MPRIP: variants seen among roughly 807,000 people sequenced by gnomAD.
MPRIP encodes the protein myosin phosphatase Rho interacting protein, also known as myosin phosphatase Rho-interacting protein.
A neutral mutation model predicts 234.9 loss-of-function variants in MPRIP; 59 were observed. The ratio of observed to expected loss-of-function variants is 0.25; its 90% CI spans 0.20 to 0.31. MPRIP has a LOEUF of 0.31. Among genes scored for constraint, MPRIP ranks in the 10% least tolerant of loss-of-function variants. The probability of loss-of-function intolerance (pLI) is 1.00; values close to 1 mark genes in which losing one functional copy is unlikely to be tolerated. For synonymous variants in MPRIP, 1,144 were observed against 1,263.9 expected (o/e 0.91, Z 2.01); for missense variants, 2,436 against 3,071.0 (o/e 0.79, Z 4.89).
chr17:17,173,214 C>T (rs2046182986), intron 18 of MPRIP, among the ~76,000 whole-genome samples: 1 of 152,268 alleles, frequency 6.6e-6, no homozygotes. Context: ...CGTGCTGATT[C>T]CCTCTGCACA....
chr17:17,190,955 T>G lies in MPRIP; in HGVS notation c.*6061T>G, dbSNP rs558004794. 1 of 152,304 alleles carries G rather than the reference T, an allele frequency of 6.6e-6. No individual in the cohort carries two copies. Among genetic ancestry groups the G allele is most frequent in the African/African-American group, 2.4e-5 (1 of 41,566 alleles). The allele number at this position is 152,304 out of a possible 1,614,324, so 9.4% of individuals were successfully genotyped here. A position where few individuals can be genotyped will look rare whatever the true frequency, so the allele number is the denominator to read the frequency against. Reference sequence around the variant, plus strand: ...ACTGCAGGGATTTTTGTGACAGAGTTTGTATGGGTTTTTAAAAAAATCTTA... The same window carrying G: ...ACTGCAGGGATTTTTGTGACAGAGTGTGTATGGGTTTTTAAAAAAATCTTA... On this transcript the variant is annotated 3_prime_UTR_variant, in exon 24 of 24. Transcript: ENST00000651222.
At chr17:17,157,778 A>C (rs1289220829) in intron 13 of MPRIP, among the ~76,000 whole-genome samples, 1 of 151,790 alleles carries the variant, frequency 6.6e-6, no homozygotes, top group Non-Finnish European at 1.5e-5. Context: ...TGGTGAGCCG[A>C]GATCGCGCCA....
At chr17:17,117,536 G>A (rs1245984889) in intron 3 of MPRIP, among the ~76,000 whole-genome samples, 1 of 152,236 alleles carries the variant, frequency 6.6e-6, no homozygotes, top group Non-Finnish European at 1.5e-5. Flanking sequence ...GCATGTGTCA[G>A]GATTTCATTC....
At chr17:17,130,464 A>G (rs1225135050) in intron 4 of MPRIP, among the ~76,000 whole-genome samples, 1 of 140,778 alleles carries the variant, frequency 7.1e-6, no homozygotes, top group Non-Finnish European at 1.5e-5. Context: ...TCTCCACCTC[A>G]AATTAAAGAA....
At chr17:17,157,572 C>T (rs1299884727) in intron 13 of MPRIP, among the ~76,000 whole-genome samples, 15 of 152,174 alleles carry the variant, frequency 9.9e-5, no homozygotes, top group Non-Finnish European at 1.9e-4. Flanking sequence ...CAGTAGCTCA[C>T]GCCTGTAATC....
chr17:17,077,922 T>C (rs2089372563), intron 2 of MPRIP, 89 bp from the exon 3 acceptor site: 1 of 1,293,880 alleles, frequency 7.7e-7, no homozygotes, highest in African/African-American at 1.5e-5. Flanking sequence ...TCCTTAGATA[T>C]GGACTTGTCA....
intron 1 of MPRIP, 42 bp from the exon 2 acceptor site, chr17:17,075,668 G>A: frequency 6.4e-7 from 1 of 1,559,438 alleles, no homozygotes; most frequent in Non-Finnish European, 8.8e-7. Flanking sequence ...TCTCTTCTGG[G>A]TTGAAGGCTG....
At chr17:17,163,915 A>G (rs1355214531) in intron 15 of MPRIP, among the ~76,000 whole-genome samples, 194 bp from the exon 16 acceptor site, 2 of 148,700 alleles carry the variant, frequency 1.3e-5, no homozygotes, top group Non-Finnish European at 3.0e-5. Flanking sequence ...TTTACCTGGA[A>G]GCAGCTACTT....
At chr17:17,126,200 C>T (rs952492212) in intron 3 of MPRIP, among the ~76,000 whole-genome samples, 1 of 152,166 alleles carries the variant, frequency 6.6e-6, no homozygotes, top group Non-Finnish European at 1.5e-5. Flanking sequence ...GGGAAGGTGC[C>T]GTGGGCCAGG....
chr17:17,129,612 T>G (rs1270249221), intron 4 of MPRIP, among the ~76,000 whole-genome samples: 2 of 152,188 alleles, frequency 1.3e-5, no homozygotes, highest in Non-Finnish European at 2.9e-5. Context: ...AGTCCTAGGC[T>G]TGCTGGAGCC....
In MPRIP at chr17:17,077,993, C is replaced by T; in HGVS notation, c.202-18C>T. ...GGACCCAGATCCTCCTAACCACCCA[C>T]CTTGTGCTCCGTTGCAGAAATGGCA... On this transcript the variant is annotated intron_variant, in intron 2 of 23. Coordinates refer to ENST00000651222, the MANE Select transcript of MPRIP (RefSeq NM_001364716.4). The T allele has an allele frequency of 1.2e-6, 2 of 1,614,050 alleles. No individual in the cohort carries two copies. Among genetic ancestry groups the T allele is most frequent in the Non-Finnish European group, 1.7e-6 (2 of 1,179,928 alleles).
At chr17:17,136,748 G>A in intron 6 of MPRIP, among the ~76,000 whole-genome samples, 1 of 152,228 alleles carries the variant, frequency 6.6e-6, no homozygotes, top group East Asian at 1.9e-4. Context: ...AGCAGGGTCT[G>A]TGGATGGGAA....
chr17:17,098,303 T>G (rs1280187707), intron 3 of MPRIP, among the ~76,000 whole-genome samples: 2 of 152,166 alleles, frequency 1.3e-5, no homozygotes, highest in Admixed American at 1.3e-4. Context: ...CATTTGGCCT[T>G]TTGGAATTGG....
chr17:17,083,483 G>C (rs1009827605), intron 3 of MPRIP, among the ~76,000 whole-genome samples: 1 of 152,160 alleles, frequency 6.6e-6, no homozygotes, highest in African/African-American at 2.4e-5. Flanking sequence ...TGCAATTTTT[G>C]GTGGTATTAA....
intron 3 of MPRIP, among the ~76,000 whole-genome samples, chr17:17,123,814 A>G (rs1433049552): frequency 6.6e-6 from 1 of 152,184 alleles, no homozygotes; most frequent in African/African-American, 2.4e-5. Flanking sequence ...TCCTCCATGG[A>G]AATAGATTGG....
chr17:17,110,356 G>A (rs760876934), intron 3 of MPRIP, among the ~76,000 whole-genome samples: 3 of 152,104 alleles, frequency 2.0e-5, no homozygotes, highest in Non-Finnish European at 4.4e-5. Flanking sequence ...CCCTTATAGC[G>A]GCACAAAACA....
chr17:17,072,985 C>G (rs1272320197), intron 1 of MPRIP, among the ~76,000 whole-genome samples: 1 of 152,112 alleles, frequency 6.6e-6, no homozygotes, highest in Admixed American at 6.5e-5. Context: ...TGATACAATT[C>G]TATGATTTTT....
rs1409248291 is a variant in MPRIP, at chr17:17,190,988, C to G, written c.*6094C>G. The G allele has an allele frequency of 6.6e-6, 1 of 152,124 alleles. No individual in the cohort carries two copies. Among genetic ancestry groups the G allele is most frequent in the Non-Finnish European group, 1.5e-5 (1 of 68,014 alleles). 9.4% of individuals were successfully genotyped at this position (152,124 alleles called of 1,614,324 possible). A position where few individuals can be genotyped will look rare whatever the true frequency, so the allele number is the denominator to read the frequency against. On this transcript the variant is annotated 3_prime_UTR_variant, in exon 24 of 24. Coordinates refer to ENST00000651222, the MANE Select transcript of MPRIP (RefSeq NM_001364716.4). ...GTTTTTAAAAAAATCTTAGACACCCCTTTTTAAGATGGGGAGAACAGGGTT... is the reference window on the plus strand; with the variant it reads ...GTTTTTAAAAAAATCTTAGACACCCGTTTTTAAGATGGGGAGAACAGGGTT...
At chr17:17,081,739 G>C (rs2089466960) in intron 3 of MPRIP, among the ~76,000 whole-genome samples, 1 of 152,224 alleles carries the variant, frequency 6.6e-6, no homozygotes. Context: ...AGTTCCGGAA[G>C]CTGACCATTG....
Sources: gnomAD v4.1 joint callset for allele counts (sites outside exome capture counted in the v4.1 genomes callset) on GRCh38, gnomAD v4.1.1 for gene constraint, MANE v1.5 for transcripts, NCBI Gene and HGNC (gene_info 2026-07-23, HGNC 2026-07-21) for gene names.